The following CNTN5 variants were observed in gnomAD, a reference collection of about 807,000 sequenced individuals.
CNTN5 encodes contactin-5.
Under a neutral mutation model 129.1 loss-of-function variants are expected in CNTN5, and 77 were observed. The ratio of observed to expected loss-of-function variants is 0.60; its 90% CI spans 0.50 to 0.72. CNTN5 has a LOEUF of 0.72. Ranked by LOEUF, CNTN5 falls within the 30% of genes least tolerant of loss-of-function variation. The probability of loss-of-function intolerance (pLI) is 0.00; values close to 1 mark genes in which losing one functional copy is unlikely to be tolerated. For missense variants in CNTN5, 1,478 were observed against 1,328.8 expected (o/e 1.11, Z -1.75); for synonymous variants, 509 against 465.6 (o/e 1.09, Z -1.20).
intron 21 of CNTN5, chr11:100,337,152 AC>A: frequency 1.4e-6 from 2 of 1,428,418 alleles, no homozygotes; most frequent in Admixed American, 3.4e-5. Context: ...TGACAGCTGC[AC>A]CCATGAATGT....
At chr11:100,197,214 G>T (rs181743904) in intron 15 of CNTN5, among the ~76,000 whole-genome samples, 61 of 152,052 alleles carry the variant, frequency 4.0e-4, no homozygotes, top group Non-Finnish European at 6.9e-4. Context: ...ACCAGTGAGG[G>T]TGTATAGTAG....
intron 3 of CNTN5, among the ~76,000 whole-genome samples, chr11:99,780,852 T>G (rs924549472): frequency 2.0e-5 from 3 of 152,048 alleles, no homozygotes; most frequent in African/African-American, 7.2e-5. Flanking sequence ...GAAAATGTGT[T>G]AAGATCACAG....
intron 3 of CNTN5, among the ~76,000 whole-genome samples, chr11:99,640,342 T>A (rs926223288): frequency 6.6e-6 from 1 of 152,188 alleles, no homozygotes; most frequent in South Asian, 2.1e-4. Flanking sequence ...GACTTATAGT[T>A]CCATATGCCT....
intron 7 of CNTN5, among the ~76,000 whole-genome samples, chr11:99,954,585 C>T (rs1195057549): frequency 6.6e-6 from 1 of 152,194 alleles, no homozygotes; most frequent in Non-Finnish European, 1.5e-5. Flanking sequence ...TTATAGTTCT[C>T]AGGTTACAAT....
chr11:99,885,993 A>C (rs1948891922), intron 6 of CNTN5, among the ~76,000 whole-genome samples: 1 of 152,148 alleles, frequency 6.6e-6, no homozygotes, highest in Admixed American at 6.5e-5. Context: ...ATTGTAAATC[A>C]ATTCCATCAA....
At position 99,556,239 on chromosome 11, in the gene CNTN5, C is replaced by T; in HGVS notation, c.25C>T (p.Leu9=). 1 of 1,526,388 alleles carries T rather than the reference C, an allele frequency of 6.6e-7. No homozygotes were observed. The highest frequency in any genetic ancestry group is 1.3e-5 in the South Asian group (1 of 79,680). The allele number at this position is 1,526,388 out of a possible 1,614,324, so 94.6% of individuals were successfully genotyped here. A position where few individuals can be genotyped will look rare whatever the true frequency, so the allele number is the denominator to read the frequency against. MASSWKLM[L]FLSVTMCLSE... ...GATGGCTTCCTCTTGGAAACTAATGCTGTTTCTGTCAGTCACCATGTGTCT... is the reference window on the plus strand; with the variant it reads ...GATGGCTTCCTCTTGGAAACTAATGTTGTTTCTGTCAGTCACCATGTGTCT... Residue 9 remains leucine (L), a synonymous_variant, in exon 3 of 25, where the codon CTG becomes TTG. Coordinates refer to ENST00000524871, the MANE Select transcript of CNTN5 (RefSeq NM_014361.4).
chr11:99,913,190 C>T (rs1456917348), intron 6 of CNTN5, among the ~76,000 whole-genome samples: 3 of 151,982 alleles, frequency 2.0e-5, no homozygotes, highest in Admixed American at 6.6e-5. Context: ...ACTCCTTTCT[C>T]TTCTTAGTGA....
intron 1 of CNTN5, among the ~76,000 whole-genome samples, chr11:99,316,486 G>A (rs1362197012): frequency 6.6e-6 from 1 of 151,908 alleles, no homozygotes; most frequent in African/African-American, 2.4e-5. Flanking sequence ...GGTAATGATC[G>A]CTGAGACTCA....
intron 2 of CNTN5, among the ~76,000 whole-genome samples, chr11:99,408,448 GAGAAAGAA>G (rs1555137775): frequency 0.017 from 1,331 of 78,120 alleles, 15 homozygotes; most frequent in Middle Eastern, 0.032. Context: ...AAGAAAGAAA[GAGAAAGAA>G]AGAAAGAAAG....
intron 1 of CNTN5, among the ~76,000 whole-genome samples, chr11:99,230,599 T>C (rs1860941537): frequency 6.7e-6 from 1 of 149,938 alleles, no homozygotes; most frequent in African/African-American, 2.4e-5. Context: ...AATTATAAAC[T>C]TTTTGAGACT....
At chr11:99,953,518 TAAG>T (rs1298828048) in intron 7 of CNTN5, among the ~76,000 whole-genome samples, 1 of 152,082 alleles carries the variant, frequency 6.6e-6, no homozygotes, top group Non-Finnish European at 1.5e-5. Context: ...CAGAAACAAA[TAAG>T]AACTAAAATC....
intron 2 of CNTN5, among the ~76,000 whole-genome samples, chr11:99,376,996 C>T (rs1442923893): frequency 6.6e-6 from 1 of 152,142 alleles, no homozygotes; most frequent in Non-Finnish European, 1.5e-5. Flanking sequence ...TTGAAATGTA[C>T]TTAACATGGT....
At chr11:99,502,361 C>T (rs1402986535) in intron 2 of CNTN5, among the ~76,000 whole-genome samples, 1 of 151,982 alleles carries the variant, frequency 6.6e-6, no homozygotes, top group African/African-American at 2.4e-5. Context: ...ATTGTAATCC[C>T]CATAATCCAC....
chr11:99,836,157 A>G (rs61911599), intron 4 of CNTN5, among the ~76,000 whole-genome samples: 2 of 145,228 alleles, frequency 1.4e-5, no homozygotes, highest in African/African-American at 2.6e-5. Context: ...TTTTTTTTTA[A>G]TTATACTTTA....
At chr11:100,217,624 A>T (rs1395603663) in intron 15 of CNTN5, among the ~76,000 whole-genome samples, 1 of 152,164 alleles carries the variant, frequency 6.6e-6, no homozygotes, top group Non-Finnish European at 1.5e-5. Flanking sequence ...TTTATGGAGC[A>T]TAGACTTAGT....
intron 13 of CNTN5, among the ~76,000 whole-genome samples, chr11:100,153,178 T>G (rs1248935001): frequency 1.3e-5 from 2 of 152,144 alleles, no homozygotes; most frequent in Non-Finnish European, 2.9e-5. Flanking sequence ...CAAAATCGTT[T>G]ACATGACACT....
chr11:100,180,585 A>AT (rs1415750391), intron 13 of CNTN5, among the ~76,000 whole-genome samples: 5 of 152,118 alleles, frequency 3.3e-5, no homozygotes, highest in African/African-American at 1.2e-4. Context: ...GGCAGATATG[A>AT]TTCCAAAAGT....
At chr11:99,300,357 T>C (rs555942850) in intron 1 of CNTN5, among the ~76,000 whole-genome samples, 1 of 152,290 alleles carries the variant, frequency 6.6e-6, no homozygotes, top group African/African-American at 2.4e-5. Flanking sequence ...TAATGCTTTT[T>C]TTAATCTATC....
chr11:99,285,344 C>A (rs1419419583), intron 1 of CNTN5, among the ~76,000 whole-genome samples: 1 of 152,110 alleles, frequency 6.6e-6, no homozygotes, highest in East Asian at 1.9e-4. Context: ...AATAATGATA[C>A]TCCTAGGGTT....
Sources: allele counts gnomAD v4.1 joint callset (sites outside exome capture counted in the v4.1 genomes callset), GRCh38; gene constraint gnomAD v4.1.1; transcripts MANE v1.5; gene names NCBI Gene and HGNC (gene_info 2026-07-23, HGNC 2026-07-21).